NOL4: variants seen among roughly 807,000 people sequenced by gnomAD.
NOL4 encodes nucleolar protein 4, also known as cancer/testis antigen 125.
A neutral mutation model predicts 75.9 loss-of-function variants in NOL4; 17 were observed. The ratio of observed to expected loss-of-function variants is 0.22; its 90% CI spans 0.15 to 0.34. The LOEUF is 0.34. NOL4 is among the 10% of genes least tolerant of loss of function. The pLI, the probability that NOL4 is intolerant of heterozygous loss-of-function variation, is 1.00. For synonymous variants in NOL4, 292 were observed against 289.9 expected (o/e 1.01, Z -0.07); for missense variants, 614 against 793.5 (o/e 0.77, Z 2.72).
At chr18:33,963,004 AC>A (rs2070278359) in intron 6 of NOL4, among the ~76,000 whole-genome samples, 1 of 152,124 alleles carries the variant, frequency 6.6e-6, no homozygotes. Context: ...AATTTTTATA[AC>A]TGAATTCTGC....
At chr18:34,215,923 T>G (rs1000904663) in intron 1 of NOL4, among the ~76,000 whole-genome samples, 4 of 152,234 alleles carry the variant, frequency 2.6e-5, no homozygotes, top group Admixed American at 6.5e-5. Context: ...TCATGGCATA[T>G]ATTTTTCTTA....
chr18:34,166,865 G>A lies in NOL4; in HGVS notation c.265-36845C>T, dbSNP rs1358075006. On this transcript the variant is annotated intron_variant, in intron 1 of 10. Transcript: ENST00000261592. The stretch of plus-strand genomic sequence containing the variant: ...ATCCTGGCTAACAAGGTGAAACCCC[G>A]TCTCTACTAAAAAATACAAAAAATT... Among the ~76,000 whole-genome samples the A allele has an allele frequency of 8.1e-5, 5 of 61,868 alleles. 1 individual carries two copies. Among genetic ancestry groups the A allele is most frequent in the Non-Finnish European group, 1.8e-4 (5 of 28,092 alleles). The allele number at this position is 61,868 out of a possible 152,430, so 40.6% of individuals were successfully genotyped here.
At chr18:34,190,038 T>TTA in intron 1 of NOL4, among the ~76,000 whole-genome samples, 2 of 148,858 alleles carry the variant, frequency 1.3e-5, no homozygotes, top group South Asian at 4.2e-4. Flanking sequence ...ACATATTATT[T>TTA]TATATATATT....
chr18:33,865,806 T>C (rs1161099172), intron 10 of NOL4, among the ~76,000 whole-genome samples: 2 of 152,158 alleles, frequency 1.3e-5, no homozygotes, highest in East Asian at 1.9e-4. Flanking sequence ...GTAACCCTAA[T>C]ATGATTGTGC....
chr18:33,997,197 C>T (rs2073356504), intron 6 of NOL4, among the ~76,000 whole-genome samples: 2 of 151,658 alleles, frequency 1.3e-5, no homozygotes, highest in East Asian at 1.9e-4. Flanking sequence ...CCTAGGTTTT[C>T]TTGGAGAATT....
chr18:33,905,726 T>A (rs557178484), intron 9 of NOL4, among the ~76,000 whole-genome samples: 1 of 152,198 alleles, frequency 6.6e-6, no homozygotes, highest in African/African-American at 2.4e-5. Flanking sequence ...TCAGGAAGCA[T>A]GCACCCAGAA....
At chr18:33,944,184 C>A (rs2068685660) in intron 8 of NOL4, among the ~76,000 whole-genome samples, 1 of 151,756 alleles carries the variant, frequency 6.6e-6, no homozygotes, top group Admixed American at 6.6e-5. Context: ...TTCAAAGCCT[C>A]AAACGAAAAT....
At chr18:34,046,225 T>C (rs1053222085) in intron 5 of NOL4, among the ~76,000 whole-genome samples, 2 of 152,026 alleles carry the variant, frequency 1.3e-5, no homozygotes, top group African/African-American at 4.8e-5. Flanking sequence ...CCAAATGCCA[T>C]TCCAAACTCT....
At chr18:34,067,539 T>C (rs1476022658) in intron 5 of NOL4, among the ~76,000 whole-genome samples, 1 of 152,040 alleles carries the variant, frequency 6.6e-6, no homozygotes, top group East Asian at 1.9e-4. Context: ...AATGATGAGA[T>C]GGTTTGGACT....
chr18:33,899,266 C>T (rs561659727), intron 9 of NOL4, among the ~76,000 whole-genome samples: 1 of 152,196 alleles, frequency 6.6e-6, no homozygotes, highest in South Asian at 2.1e-4. Context: ...CCTCTTAATC[C>T]CAACTCCTTT....
chr18:33,869,980 T>G (rs2063617251), intron 10 of NOL4, among the ~76,000 whole-genome samples: 1 of 152,122 alleles, frequency 6.6e-6, no homozygotes, highest in Admixed American at 6.6e-5. Context: ...AATGCCTGTC[T>G]CCTCATTTCT....
At chr18:33,887,254 A>G (rs1469212798) in intron 9 of NOL4, among the ~76,000 whole-genome samples, 1 of 150,602 alleles carries the variant, frequency 6.6e-6, no homozygotes, top group Non-Finnish European at 1.5e-5. Flanking sequence ...AAAGTAAACT[A>G]CTTTAGAATA....
chr18:34,052,476 T>C (rs1277808961), intron 5 of NOL4, among the ~76,000 whole-genome samples: 1 of 152,092 alleles, frequency 6.6e-6, no homozygotes, highest in East Asian at 1.9e-4. Context: ...AAGGAAAATG[T>C]GTTAAACACA....
rs760993478 is a variant in NOL4, at chr18:34,129,925, C to T, written c.360G>A (p.Gly120=). The T allele has an allele frequency of 6.3e-7, 1 of 1,596,838 alleles. No homozygotes were observed. The highest frequency in any genetic ancestry group is 1.3e-5 in the African/African-American group (1 of 74,124). The change falls in exon 2 of 11, where the codon GGG becomes GGA. Residue 120 remains glycine (G), a synonymous_variant. Coordinates refer to ENST00000261592, the MANE Select transcript of NOL4 (RefSeq NM_003787.5). ...DIIYSMHVET[G]PNGEQIRKHA... ...GTTTCCGAATTTGTTCTCCATTTGGCCCCGTTTCCACATGCATCGAATAAA... is the reference window on the plus strand; with the variant it reads ...GTTTCCGAATTTGTTCTCCATTTGGTCCCGTTTCCACATGCATCGAATAAA...
rs142820754 is a variant in NOL4, at chr18:34,087,851, A to G, written c.772+5614T>C. Among the ~76,000 whole-genome samples the G allele has an allele frequency of 1.1e-3, 168 of 152,034 alleles. 2 individuals are homozygous for G. In the East Asian group the frequency reaches 0.032, roughly 29 times the overall value. On this transcript the variant is annotated intron_variant, in intron 5 of 10. Coordinates refer to ENST00000261592, the MANE Select transcript of NOL4 (RefSeq NM_003787.5). Reference sequence around the variant, plus strand: ...TGGGAGGCAAAGATTTTTACTATGGAGGCCAAAAGGCTCAAAGGACCATGG... The same window carrying G: ...TGGGAGGCAAAGATTTTTACTATGGGGGCCAAAAGGCTCAAAGGACCATGG...
At chr18:34,216,438 G>GA (rs1020787961) in intron 1 of NOL4, among the ~76,000 whole-genome samples, 24 of 151,368 alleles carry the variant, frequency 1.6e-4, no homozygotes, top group African/African-American at 5.8e-4. Context: ...CCTACTTTAG[G>GA]AAAAAAATGA....
chr18:33,886,184 G>A (rs2064636581), intron 9 of NOL4, among the ~76,000 whole-genome samples: 1 of 151,902 alleles, frequency 6.6e-6, no homozygotes, highest in African/African-American at 2.4e-5. Flanking sequence ...GGGGAGTGAG[G>A]GGATGGTGAA....
intron 5 of NOL4, among the ~76,000 whole-genome samples, chr18:34,030,368 A>G (rs1350255261): frequency 2.0e-5 from 3 of 152,176 alleles, no homozygotes; most frequent in Admixed American, 6.6e-5. Context: ...AAACAGGGTC[A>G]TGCATATAGT....
intron 1 of NOL4, among the ~76,000 whole-genome samples, chr18:34,180,224 A>T (rs1027959319): frequency 4.6e-5 from 7 of 151,570 alleles, no homozygotes; most frequent in Non-Finnish European, 1.0e-4. Context: ...ATTAATATAG[A>T]CACAAACATC....
Sources: gnomAD v4.1 joint callset for allele counts (sites outside exome capture counted in the v4.1 genomes callset) on GRCh38, gnomAD v4.1.1 for gene constraint, MANE v1.5 for transcripts, NCBI Gene and HGNC (gene_info 2026-07-23, HGNC 2026-07-21) for gene names.